Variants in VIL1 observed in about 807,000 individuals in gnomAD.
VIL1 encodes villin-1.
Under a neutral mutation model 104.0 loss-of-function variants are expected in VIL1, and 86 were observed. The ratio of observed to expected loss-of-function variants is 0.83; its 90% CI spans 0.69 to 0.99. The LOEUF is 0.99. Ranked by LOEUF, VIL1 falls within the 50% of genes least tolerant of loss-of-function variation. The pLI, the probability that VIL1 is intolerant of heterozygous loss-of-function variation, is 0.00. For missense variants in VIL1, 944 were observed against 1,054.1 expected (o/e 0.90, Z 1.45); for synonymous variants, 394 against 412.6 (o/e 0.95, Z 0.55).
At chr2:218,438,271 T>A (rs535592548) in intron 17 of VIL1, among the ~76,000 whole-genome samples, 1 of 152,330 alleles carries the variant, frequency 6.6e-6, no homozygotes, top group Non-Finnish European at 1.5e-5. Flanking sequence ...GGCTCCCTTC[T>A]ATTATCTGGG....
intron 15 of VIL1, 47 bp downstream of exon 15, chr2:218,435,481 C>T (rs992843773): frequency 1.4e-5 from 23 of 1,594,940 alleles, no homozygotes; most frequent in Middle Eastern, 1.7e-4. Flanking sequence ...GTGGGGGAGC[C>T]GCCCAGCATC....
At chr2:218,425,434 G>A (rs1246583625) in intron 3 of VIL1, among the ~76,000 whole-genome samples, 181 bp from the exon 4 acceptor site, 1 of 152,222 alleles carries the variant, frequency 6.6e-6, no homozygotes, top group Non-Finnish European at 1.5e-5. Flanking sequence ...GAGAAGCCAT[G>A]TCTCAGAGAG....
chr2:218,428,475 C>T, intron 6 of VIL1, 138 bp downstream of exon 6: 1 of 718,690 alleles, frequency 1.4e-6, no homozygotes, highest in South Asian at 1.7e-5. Flanking sequence ...TTGGTGCAGG[C>T]ATGCATGTTG....
chr2:218,432,718 T>C, intron 12 of VIL1, 75 bp from the exon 13 acceptor site: 1 of 1,581,028 alleles, frequency 6.3e-7, no homozygotes, highest in South Asian at 1.1e-5. Flanking sequence ...AGGATGGAGT[T>C]GTTGCTGAGG....
At chr2:218,445,539 T>G (rs1559151316) in intron 19 of VIL1, among the ~76,000 whole-genome samples, 1 of 151,998 alleles carries the variant, frequency 6.6e-6, no homozygotes, top group African/African-American at 2.4e-5. Context: ...ATTGACAAGT[T>G]AGAGACTGGA....
intron 1 of VIL1, among the ~76,000 whole-genome samples, chr2:218,420,647 G>A (rs1371950538): frequency 6.7e-6 from 1 of 149,246 alleles, no homozygotes; most frequent in Non-Finnish European, 1.5e-5. Context: ...GTGCAGTGGC[G>A]TGATCTCAGC....
rs1409545661 is a variant in VIL1 at position 218,451,107 on chromosome 2, A to AC, written c.*1772dup. 2 of 152,210 alleles carry AC rather than the reference A, an allele frequency of 1.3e-5. No homozygotes were observed. The highest frequency in any genetic ancestry group is 4.8e-5 in the African/African-American group (2 of 41,456). The allele number at this position is 152,210 out of a possible 1,614,324, so 9.4% of individuals were successfully genotyped here. A position where few individuals can be genotyped will look rare whatever the true frequency, so the allele number is the denominator to read the frequency against. Reference sequence around the variant, plus strand: ...ATGTTAATAAGACATATCAGTAGAGACAAAATTAGGATTTTGAAGTAATGC... The same window carrying AC: ...ATGTTAATAAGACATATCAGTAGAGACCAAAATTAGGATTTTGAAGTAATGC... On this transcript the variant is annotated 3_prime_UTR_variant, in exon 20 of 20. Coordinates refer to ENST00000248444, the MANE Select transcript of VIL1 (RefSeq NM_007127.3).
intron 9 of VIL1, among the ~76,000 whole-genome samples, chr2:218,430,242 A>C (rs984985627): frequency 1.3e-5 from 2 of 151,990 alleles, no homozygotes; most frequent in Non-Finnish European, 2.9e-5. Context: ...CTGAGTTTGG[A>C]GAAGGGAAGG....
intron 19 of VIL1, among the ~76,000 whole-genome samples, chr2:218,447,468 C>A (rs910934209): frequency 6.6e-6 from 1 of 152,084 alleles, no homozygotes; most frequent in Non-Finnish European, 1.5e-5. Flanking sequence ...TAGGCGTGCA[C>A]CACCATGCCT....
rs1472775068 is a variant in VIL1 at position 218,451,085 on chromosome 2, TTAA to T, written c.*1753_*1755del. 3.9e-5 allele frequency: 6 copies of T among 152,188 alleles called. No individual in the cohort carries two copies. The highest frequency in any genetic ancestry group is 2.0e-4 in the Admixed American group (3 of 15,258). The allele number at this position is 152,188 out of a possible 1,614,324, so 9.4% of individuals were successfully genotyped here. A position where few individuals can be genotyped will look rare whatever the true frequency, so the allele number is the denominator to read the frequency against. On this transcript the variant is annotated 3_prime_UTR_variant, in exon 20 of 20. Coordinates refer to ENST00000248444, the MANE Select transcript of VIL1 (RefSeq NM_007127.3). ...TAAAAAATATATATTTTTTCAGATG[TTAA>T]TAAGACATATCAGTAGAGACAAAAT...
Position 218,434,197 on chromosome 2 carries a change from C to CAAAAAAAAAAAAAA in VIL1, c.1501-327_1501-314dup, listed in dbSNP as rs772237911. ...GGGGAACAAGAGCAAAACTCCGTCT[C>CAAAAAAAAAAAAAA]AAAAAAAAAAAAAAAGCCTGGCAGA... On this transcript the variant is annotated intron_variant, in intron 13 of 19. Transcript: ENST00000248444. Among the ~76,000 whole-genome samples the CAAAAAAAAAAAAAA allele has an allele frequency of 9.5e-4, 87 of 91,970 alleles. 1 individual carries two copies. Among genetic ancestry groups the CAAAAAAAAAAAAAA allele is most frequent in the African/African-American group, 1.9e-3 (47 of 25,118 alleles). 60.3% of individuals were successfully genotyped at this position (91,970 alleles called of 152,430 possible). A position where few individuals can be genotyped will look rare whatever the true frequency, so the allele number is the denominator to read the frequency against.
Position 218,430,955 on chromosome 2 carries a change from C to T in VIL1, c.1102+77C>T, listed in dbSNP as rs764589520. ...GGAGAGCCACTTGGTCCACCACCCA[C>T]CCTCCTTCCCTGACGTGCATCTTCA... is the stretch of plus-strand genomic sequence containing the variant. On this transcript the variant is annotated intron_variant, in intron 10 of 19. Coordinates refer to ENST00000248444, the MANE Select transcript of VIL1 (RefSeq NM_007127.3). 4.5e-5 allele frequency: 69 copies of T among 1,536,004 alleles called. No individual in the cohort carries two copies. The Middle Eastern group carries it at 8.4e-4, about 19-fold the overall frequency.
At chr2:218,443,976 G>GT (rs1689324627) in intron 19 of VIL1, among the ~76,000 whole-genome samples, 1 of 147,228 alleles carries the variant, frequency 6.8e-6, no homozygotes, top group East Asian at 2.1e-4. Flanking sequence ...TTTTTGTTTT[G>GT]TTTTTTGAGA....
chr2:218,422,146 T>C (rs1421895134), intron 1 of VIL1, among the ~76,000 whole-genome samples: 1 of 151,936 alleles, frequency 6.6e-6, no homozygotes, highest in Non-Finnish European at 1.5e-5. Context: ...TCCCAGCTAC[T>C]TGGGGGGCTG....
chr2:218,420,443 A>G lies in VIL1; in HGVS notation c.-12+1275A>G, dbSNP rs542717668. Among the ~76,000 whole-genome samples, 49 of 149,600 alleles carry G rather than the reference A, an allele frequency of 3.3e-4. No homozygotes were observed. The South Asian group carries it at 5.7e-3, about 17-fold the overall frequency. On this transcript the variant is annotated intron_variant, in intron 1 of 19. Transcript: ENST00000248444. ...GACTCTGTCTCAAAAAAAAAAAAAA[A>G]AAAAGAAAAGAAAAAAAGAAAAAAG...
At chr2:218,430,147 G>A (rs1032194415) in intron 9 of VIL1, among the ~76,000 whole-genome samples, 200 bp downstream of exon 9, 4 of 152,192 alleles carry the variant, frequency 2.6e-5, no homozygotes, top group South Asian at 4.1e-4. Flanking sequence ...GGTCATCTTC[G>A]GGGTTCTCTG....
chr2:218,425,442 G>C (rs1688963685), intron 3 of VIL1, among the ~76,000 whole-genome samples, 173 bp from the exon 4 acceptor site: 1 of 152,218 alleles, frequency 6.6e-6, no homozygotes, highest in African/African-American at 2.4e-5. Context: ...ATGTCTCAGA[G>C]AGTCAATGGT....
chr2:218,421,994 C>T (rs539064858), intron 1 of VIL1, among the ~76,000 whole-genome samples: 1 of 152,270 alleles, frequency 6.6e-6, no homozygotes, highest in South Asian at 2.1e-4. Flanking sequence ...TGGCTCACGC[C>T]TGTAATTCCA....
chr2:218,424,277 G>A lies in VIL1; in HGVS notation c.76G>A (p.Ala26Thr). The A allele has an allele frequency of 1.2e-6, 2 of 1,613,916 alleles. No homozygotes were observed. The highest frequency in any genetic ancestry group is 1.7e-6 in the Non-Finnish European group (2 of 1,179,972). The change falls in exon 3 of 20, where the codon GCC (alanine) becomes ACC (threonine). Residue 26 changes from alanine (A) to threonine (T), a missense_variant and splice_region_variant. Coordinates refer to ENST00000248444, the MANE Select transcript of VIL1 (RefSeq NM_007127.3). Reference sequence around the variant, plus strand: ...CCTCTGACCCTCTTTCTCTCCTTAGGCCATGCAGATGGTGCCTGTTCCTTC... The same window carrying A: ...CCTCTGACCCTCTTTCTCTCCTTAGACCATGCAGATGGTGCCTGTTCCTTC... Reference protein sequence around the residue: ...TPGLQIWRIEAMQMVPVPSST... With the variant: ...TPGLQIWRIETMQMVPVPSST...
Sources: gnomAD v4.1 joint callset for allele counts (sites outside exome capture counted in the v4.1 genomes callset) on GRCh38, gnomAD v4.1.1 for gene constraint, MANE v1.5 for transcripts, NCBI Gene and HGNC (gene_info 2026-07-23, HGNC 2026-07-21) for gene names.